The following PHACTR3 variants were observed in gnomAD, a reference collection of about 807,000 sequenced individuals.
The protein encoded by PHACTR3 is phosphatase and actin regulator 3.
A neutral mutation model predicts 66.8 loss-of-function variants in PHACTR3; 16 were observed. The ratio of observed to expected loss-of-function variants is 0.24; its 90% CI spans 0.16 to 0.36. The LOEUF is 0.36. Ranked by LOEUF, PHACTR3 falls within the 10% of genes least tolerant of loss-of-function variation. PHACTR3 has a pLI of 1.00. For synonymous variants in PHACTR3, 323 were observed against 292.1 expected (o/e 1.11, Z -1.08); for missense variants, 647 against 719.9 (o/e 0.90, Z 1.16).
chr20:59,622,005 T>C (rs2034257961), intron 1 of PHACTR3, among the ~76,000 whole-genome samples: 1 of 152,206 alleles, frequency 6.6e-6, no homozygotes, highest in Non-Finnish European at 1.5e-5. Context: ...CTTTTTCTGC[T>C]TATTTTTGTC....
At chr20:59,627,543 CT>C (rs2034501224) in intron 1 of PHACTR3, among the ~76,000 whole-genome samples, 1 of 152,154 alleles carries the variant, frequency 6.6e-6, no homozygotes, top group South Asian at 2.1e-4. Flanking sequence ...AATCAATGCT[CT>C]GTTCAGCTGT....
rs779895502 is a variant in PHACTR3, at chr20:59,767,439, C to CCCAT, written c.751+54_751+57dup. 8.9e-6 allele frequency: 14 copies of CCCAT among 1,567,478 alleles called. No homozygotes were observed. The Admixed American group carries it at 2.4e-4, about 27-fold the overall frequency. Reference sequence around the variant, plus strand: ...TGCCCATTCTATTTCCTTTCTCTGCCCCATCCATCCATCTATCCTACATTC... The same window carrying CCCAT: ...TGCCCATTCTATTTCCTTTCTCTGCCCCATCCATCCATCCATCTATCCTACATTC... On this transcript the variant is annotated intron_variant, in intron 5 of 12. Transcript: ENST00000371015.
At chr20:59,652,515 G>T (rs1459852282) in intron 1 of PHACTR3, among the ~76,000 whole-genome samples, 1 of 152,182 alleles carries the variant, frequency 6.6e-6, no homozygotes, top group Non-Finnish European at 1.5e-5. Flanking sequence ...TGCACTTTGT[G>T]CCACTGCACT....
intron 1 of PHACTR3, among the ~76,000 whole-genome samples, chr20:59,578,867 C>T (rs556482383): frequency 1.3e-5 from 2 of 152,332 alleles, no homozygotes; most frequent in Admixed American, 1.3e-4. Flanking sequence ...AGCTCAGGCA[C>T]AGAGGATGGG....
chr20:59,698,282 A>T (rs6100559), intron 1 of PHACTR3, among the ~76,000 whole-genome samples: 2,251 of 152,268 alleles, frequency 0.015, 55 homozygotes, highest in African/African-American at 0.05. Flanking sequence ...ATGTGAAATG[A>T]AAAAAAGACT....
At position 59,829,503 on chromosome 20, in the gene PHACTR3, A is replaced by G. The variant is rs2042287005; in HGVS notation, c.1329-7002A>G. Among the ~76,000 whole-genome samples the G allele has an allele frequency of 6.6e-6, 1 of 152,034 alleles. No individual in the cohort carries two copies. The highest frequency in any genetic ancestry group is 2.4e-5 in the African/African-American group (1 of 41,366). ...ATGTGCCTGTCATCCGTGCACCCAG[A>G]TGGTGTGCGCCTGGGGGCAAGCAGA... On this transcript the variant is annotated intron_variant, in intron 8 of 12. Transcript: ENST00000371015. The surrounding 1 kb of genome is among the most constrained non-coding windows in gnomAD (Gnocchi z 4.2).
At chr20:59,599,137 C>T (rs990023820) in intron 1 of PHACTR3, among the ~76,000 whole-genome samples, 5 of 152,232 alleles carry the variant, frequency 3.3e-5, no homozygotes, top group Non-Finnish European at 4.4e-5. Context: ...CCACAAAGCC[C>T]GGAGCCAGCT....
rs1212606787 is a variant in PHACTR3, at chr20:59,840,430, G to GGTAGTATAAGCATTTTA, written c.1446+1_1446+17dup. 1.9e-6 allele frequency: 3 copies of GGTAGTATAAGCATTTTA among 1,613,270 alleles called. No homozygotes were observed. Among genetic ancestry groups the GGTAGTATAAGCATTTTA allele is most frequent in the Non-Finnish European group, 1.7e-6 (2 of 1,179,460 alleles). ...AAATCAAGCAAAGATTGACAAGAAA[G>GGTAGTATAAGCATTTTA]GTAGTATAAGCATTTTATTGCCTGA... On this transcript the variant is annotated stop_gained and frameshift_variant and splice_region_variant. Coordinates refer to ENST00000371015, the MANE Select transcript of PHACTR3 (RefSeq NM_080672.5). LOFTEE classifies it high-confidence loss of function.
At chr20:59,590,873 G>A (rs144191993) in intron 1 of PHACTR3, among the ~76,000 whole-genome samples, 90 of 152,204 alleles carry the variant, frequency 5.9e-4, no homozygotes, top group African/African-American at 1.9e-3. Flanking sequence ...TCTTTTATAA[G>A]GCACTTATCA....
intron 1 of PHACTR3, among the ~76,000 whole-genome samples, chr20:59,598,541 T>C (rs552030086): frequency 1.1e-4 from 16 of 152,198 alleles, no homozygotes; most frequent in Non-Finnish European, 1.8e-4. Flanking sequence ...CACACCACAT[T>C]TTTTCAGGGC....
At chr20:59,761,282 G>T (rs773409198) in intron 4 of PHACTR3, among the ~76,000 whole-genome samples, 22 of 152,036 alleles carry the variant, frequency 1.4e-4, no homozygotes, top group Non-Finnish European at 2.4e-4. Flanking sequence ...CCACTGCCTG[G>T]GGCCTATGCT....
chr20:59,685,531 C>T (rs1171081957), intron 1 of PHACTR3, among the ~76,000 whole-genome samples: 1 of 152,216 alleles, frequency 6.6e-6, no homozygotes, highest in East Asian at 1.9e-4. Context: ...CACCACCCAG[C>T]ACAAGGCTGG....
At chr20:59,752,810 T>C (rs2039647780) in intron 3 of PHACTR3, among the ~76,000 whole-genome samples, 1 of 152,066 alleles carries the variant, frequency 6.6e-6, no homozygotes, top group African/African-American at 2.4e-5. Flanking sequence ...CTGCAAGTGG[T>C]GGGTGGCAGC....
intron 8 of PHACTR3, among the ~76,000 whole-genome samples, chr20:59,819,418 G>A (rs2041970026): frequency 1.3e-5 from 2 of 152,016 alleles, no homozygotes; most frequent in African/African-American, 4.8e-5. Context: ...TGTGATCTCA[G>A]CTACTTGGGA....
At chr20:59,597,282 T>C (rs2033352409) in intron 1 of PHACTR3, among the ~76,000 whole-genome samples, 1 of 152,266 alleles carries the variant, frequency 6.6e-6, no homozygotes, top group African/African-American at 2.4e-5. Flanking sequence ...TGGTAAGCTC[T>C]AGGCTCTATA....
chr20:59,799,210 T>G (rs1435780145), intron 7 of PHACTR3, among the ~76,000 whole-genome samples: 4 of 151,980 alleles, frequency 2.6e-5, no homozygotes, highest in African/African-American at 4.8e-5. Context: ...ATATGTCCAA[T>G]CTTGGTAAAT....
chr20:59,648,648 T>A (rs1043848731), intron 1 of PHACTR3, among the ~76,000 whole-genome samples: 4 of 152,228 alleles, frequency 2.6e-5, no homozygotes, highest in Admixed American at 2.6e-4. Flanking sequence ...CAGTCCAGGC[T>A]TACGCTGACC....
At chr20:59,781,300 G>T (rs908297628) in intron 7 of PHACTR3, among the ~76,000 whole-genome samples, 1 of 152,188 alleles carries the variant, frequency 6.6e-6, no homozygotes, top group South Asian at 2.1e-4. Flanking sequence ...CCTTTGGGTT[G>T]GTCAGGAGAA....
At chr20:59,654,528 A>G (rs1462643154) in intron 1 of PHACTR3, among the ~76,000 whole-genome samples, 1 of 152,178 alleles carries the variant, frequency 6.6e-6, no homozygotes, top group African/African-American at 2.4e-5. Context: ...ACCAGAAGTT[A>G]TATGCCTCCT....
Sources: allele counts gnomAD v4.1 joint callset (sites outside exome capture counted in the v4.1 genomes callset), GRCh38; gene constraint gnomAD v4.1.1; non-coding constraint Gnocchi (gnomAD v3.1); transcripts MANE v1.5; gene names NCBI Gene and HGNC (gene_info 2026-07-23, HGNC 2026-07-21).